PRIM2: variants seen among roughly 807,000 people sequenced by gnomAD.
PRIM2 encodes the protein DNA primase large subunit.
PRIM2 carries 39 observed loss-of-function variants against 67.3 expected under a neutral mutation model. The ratio of observed to expected loss-of-function variants is 0.58; its 90% CI spans 0.45 to 0.76. The LOEUF (loss-of-function observed/expected upper bound fraction) is 0.76. Ranked by LOEUF, PRIM2 falls within the 30% of genes least tolerant of loss-of-function variation. PRIM2 has a pLI of 0.00. For synonymous variants in PRIM2, 143 were observed against 198.7 expected (o/e 0.72, Z 2.36); for missense variants, 398 against 598.7 (o/e 0.66, Z 3.50).
chr6:57,304,773 T>C, the PRIM2 span, among the ~76,000 whole-genome samples: 1 of 152,172 alleles, frequency 6.6e-6, no homozygotes, highest in Non-Finnish European at 1.5e-5. Flanking sequence ...TAGAAGTAGA[T>C]GAGAAGTCTA....
At chr6:57,629,282 A>G (rs1429266602) in intron 12 of PRIM2, among the ~76,000 whole-genome samples, 2 of 152,216 alleles carry the variant, frequency 1.3e-5, no homozygotes, top group Non-Finnish European at 2.9e-5. Context: ...TCTAAGAGAC[A>G]TGAGGTATCA....
chr6:57,454,078 T>C (rs200879024), intron 7 of PRIM2, among the ~76,000 whole-genome samples: 102,352 of 151,942 alleles, frequency 0.67, 34,466 homozygotes, highest in South Asian at 0.74. Context: ...CGTTTATATG[T>C]TGGATTACGT....
intron 5 of PRIM2, among the ~76,000 whole-genome samples, chr6:57,328,867 G>A (rs1427709514): frequency 6.6e-6 from 1 of 152,196 alleles, no homozygotes. Flanking sequence ...TGAGTATGAA[G>A]TGGTATGTAA....
intron 10 of PRIM2, among the ~76,000 whole-genome samples, chr6:57,557,708 A>G (rs1282103637): frequency 1.3e-5 from 2 of 152,012 alleles, no homozygotes; most frequent in East Asian, 3.9e-4. Flanking sequence ...TCTATACACC[A>G]AACTGCTATG....
At chr6:57,567,338 A>C (rs1393538891) in intron 10 of PRIM2, among the ~76,000 whole-genome samples, 1 of 152,144 alleles carries the variant, frequency 6.6e-6, no homozygotes, top group Admixed American at 6.5e-5. Flanking sequence ...TGCAGTGTTC[A>C]ATACATTACA....
the PRIM2 span, among the ~76,000 whole-genome samples, chr6:57,295,504 G>A: frequency 6.6e-6 from 1 of 152,134 alleles, no homozygotes; most frequent in Admixed American, 6.5e-5. Flanking sequence ...ATGAAAAAAG[G>A]CAGCTTGTAT....
intron 7 of PRIM2, among the ~76,000 whole-genome samples, chr6:57,425,105 C>T (rs1228393386): frequency 6.6e-6 from 1 of 152,120 alleles, no homozygotes; most frequent in African/African-American, 2.4e-5. Context: ...GTTTTTCTCA[C>T]TTAAAATATG....
intron 1 of PRIM2, among the ~76,000 whole-genome samples, chr6:57,318,081 C>A (rs1460647092): frequency 1.3e-5 from 2 of 152,098 alleles, no homozygotes; most frequent in Non-Finnish European, 2.9e-5. Flanking sequence ...GGATTGCAGA[C>A]CACGTAAAAC....
At chr6:57,493,708 G>C (rs2127411129) in intron 7 of PRIM2, 1 of 152,250 alleles carries the variant, frequency 6.6e-6, no homozygotes, top group East Asian at 1.9e-4. Context: ...TATAACTGTT[G>C]GTGGTTCTTT....
At chr6:57,491,247 C>T (rs1272391323) in intron 7 of PRIM2, among the ~76,000 whole-genome samples, 2 of 152,218 alleles carry the variant, frequency 1.3e-5, no homozygotes, top group Non-Finnish European at 2.9e-5. Flanking sequence ...ATTATCTTTT[C>T]AGCCCCTATG....
intron 10 of PRIM2, among the ~76,000 whole-genome samples, chr6:57,582,391 G>T (rs1485131380): frequency 6.6e-6 from 1 of 152,020 alleles, no homozygotes; most frequent in South Asian, 2.1e-4. Context: ...TCCTTGTCGT[G>T]TCCTCAACTT....
the PRIM2 span, among the ~76,000 whole-genome samples, chr6:57,256,659 CACACAT>C: frequency 2.2e-3 from 327 of 145,722 alleles, 1 homozygote; most frequent in Admixed American, 0.015. Context: ...CACACACACA[CACACAT>C]GCCATGCAGG....
chr6:57,439,404 GTTTTTTTTTTTTTTT>G (rs149436085), intron 7 of PRIM2, among the ~76,000 whole-genome samples: 6 of 57,014 alleles, frequency 1.1e-4, no homozygotes, highest in South Asian at 1.2e-3. Context: ...GAGGTACTCT[GTTTTTTTTTTTTTTT>G]TTTTTTTTTT....
At chr6:57,521,100 G>A (rs1261978705) in intron 8 of PRIM2, among the ~76,000 whole-genome samples, 3 of 152,140 alleles carry the variant, frequency 2.0e-5, no homozygotes, top group African/African-American at 4.8e-5. Context: ...TATTGATTGT[G>A]TTCTCATTTG....
At chr6:57,515,701 A>G (rs1437261943) in intron 8 of PRIM2, among the ~76,000 whole-genome samples, 9 of 152,232 alleles carry the variant, frequency 5.9e-5, no homozygotes, top group African/African-American at 2.2e-4. Flanking sequence ...TAGCGATGAC[A>G]CTAGCATTTT....
At chr6:57,506,615 A>G (rs1774256141) in intron 7 of PRIM2, among the ~76,000 whole-genome samples, 1 of 152,082 alleles carries the variant, frequency 6.6e-6, no homozygotes, top group East Asian at 1.9e-4. Context: ...AGTTTACCTC[A>G]AGCTATCTGA....
chr6:57,493,921 GTCTGGTTA>G (rs1283657236), intron 7 of PRIM2: 5 of 152,094 alleles, frequency 3.3e-5, no homozygotes, highest in African/African-American at 9.7e-5. Flanking sequence ...TCCTTTGCTT[GTCTGGTTA>G]TCCATCAAAC....
At chr6:57,448,876 T>C (rs1048429084) in intron 7 of PRIM2, among the ~76,000 whole-genome samples, 1 of 152,192 alleles carries the variant, frequency 6.6e-6, no homozygotes, top group Non-Finnish European at 1.5e-5. Flanking sequence ...GTCAGTCTTA[T>C]GATCTCTGTT....
chr6:57,584,850 A>G (rs1776160193), intron 10 of PRIM2, among the ~76,000 whole-genome samples: 2 of 152,228 alleles, frequency 1.3e-5, no homozygotes, highest in African/African-American at 2.4e-5. Flanking sequence ...TAGTCTACAA[A>G]GAGATTGAGG....
Sources: allele counts gnomAD v4.1 joint callset (sites outside exome capture counted in the v4.1 genomes callset), GRCh38; gene constraint gnomAD v4.1.1; transcripts MANE v1.5; gene names NCBI Gene and HGNC (gene_info 2026-07-23, HGNC 2026-07-21).